NMNAT1: variants seen among roughly 807,000 people sequenced by gnomAD.
The protein encoded by NMNAT1 is nicotinamide nucleotide adenylyltransferase 1.
NMNAT1 carries 11 observed loss-of-function variants against 16.7 expected under a neutral mutation model. The observed-to-expected ratio is 0.66, with a 90% CI of 0.41 to 1.09. The LOEUF is 1.09. Among genes scored for constraint, NMNAT1 ranks in the 50% least tolerant of loss-of-function variants. The pLI is 0.00. For missense variants in NMNAT1, 280 were observed against 332.3 expected (o/e 0.84, Z 1.22); for synonymous variants, 110 against 119.8 (o/e 0.92, Z 0.53).
At chr1:9,974,194 C>A (rs1641755263) in intron 2 of NMNAT1, among the ~76,000 whole-genome samples, 1 of 151,758 alleles carries the variant, frequency 6.6e-6, no homozygotes, top group Non-Finnish European at 1.5e-5. Context: ...AATTTATATG[C>A]AAACATTTGT....
chr1:9,970,748 A>G (rs2101690365), intron 1 of NMNAT1, among the ~76,000 whole-genome samples: 1 of 152,168 alleles, frequency 6.6e-6, no homozygotes, highest in South Asian at 2.1e-4. Context: ...ATGTTACTTC[A>G]TTAGGGTTAT....
At chr1:9,955,647 A>C (rs1641240806) in intron 1 of NMNAT1, among the ~76,000 whole-genome samples, 1 of 152,150 alleles carries the variant, frequency 6.6e-6, no homozygotes, top group Admixed American at 6.6e-5. Context: ...ATACTTAGGA[A>C]GTTTTTAAAG....
At chr1:9,950,549 A>C (rs1368839270) in intron 1 of NMNAT1, 3 of 152,318 alleles carry the variant, frequency 2.0e-5, no homozygotes, top group East Asian at 1.9e-4. Flanking sequence ...TATCTCAGAC[A>C]GGAAAAACAG....
chr1:9,959,263 T>C (rs1641343854), intron 1 of NMNAT1, among the ~76,000 whole-genome samples: 2 of 149,386 alleles, frequency 1.3e-5, no homozygotes, highest in African/African-American at 2.5e-5. Context: ...TCCCAGCTAC[T>C]CAGGAGGCTG....
chr1:9,961,080 A>G (rs559681922), intron 1 of NMNAT1, among the ~76,000 whole-genome samples: 8 of 152,258 alleles, frequency 5.3e-5, no homozygotes, highest in African/African-American at 1.7e-4. Flanking sequence ...AGTTAGTGGA[A>G]CTGTGAGCTG....
At chr1:9,953,550 C>T (rs947759520) in intron 1 of NMNAT1, among the ~76,000 whole-genome samples, 4 of 151,848 alleles carry the variant, frequency 2.6e-5, no homozygotes, top group Admixed American at 2.0e-4. Context: ...AAGTGATTCT[C>T]CTGCCTCAGC....
the NMNAT1 span, among the ~76,000 whole-genome samples, chr1:9,994,181 GC>G: frequency 7.5e-6 from 1 of 133,420 alleles, no homozygotes; most frequent in Non-Finnish European, 1.5e-5. Flanking sequence ...TACAATCTCT[GC>G]TCACTGCAAC....
intron 1 of NMNAT1, chr1:9,947,207 A>T (rs1640999197): frequency 6.6e-6 from 1 of 151,800 alleles, no homozygotes; most frequent in African/African-American, 2.4e-5. Context: ...TTTTTTTTGG[A>T]GACAGGGTCT....
the NMNAT1 span, among the ~76,000 whole-genome samples, chr1:9,991,782 A>T: frequency 6.6e-6 from 1 of 152,148 alleles, no homozygotes; most frequent in Non-Finnish European, 1.5e-5. Context: ...TGTGATGTGG[A>T]GTAAGTGTGT....
chr1:9,967,221 C>G (rs988740377), intron 1 of NMNAT1, among the ~76,000 whole-genome samples: 1 of 151,686 alleles, frequency 6.6e-6, no homozygotes, highest in African/African-American at 2.4e-5. Context: ...GAAACTAAGT[C>G]CCCCCGGCTC....
rs189692694 is a variant in NMNAT1 at position 9,984,086 on chromosome 1, C to G, written c.*1385C>G. 1 of 152,422 alleles carries G rather than the reference C, an allele frequency of 6.6e-6. No individual in the cohort carries two copies. Among genetic ancestry groups the G allele is most frequent in the East Asian group, 1.9e-4 (1 of 5,172 alleles). The allele number at this position is 152,422 out of a possible 1,614,324, so 9.4% of individuals were successfully genotyped here. On this transcript the variant is annotated 3_prime_UTR_variant, in exon 5 of 5. Coordinates refer to ENST00000377205, the MANE Select transcript of NMNAT1 (RefSeq NM_022787.4). ...TTTTTGAGATGGAGTCTCACTCTGT[C>G]TCCCAGGCTGGAGTGCAGTGGTGCG...
At chr1:9,982,174 C>G (rs1641962701) in intron 4 of NMNAT1, 127 bp from the exon 5 acceptor site, 1 of 1,292,102 alleles carries the variant, frequency 7.7e-7, no homozygotes, top group African/African-American at 1.5e-5. Context: ...AAGCCCTCAT[C>G]CTTGAAAAGC....
At chr1:9,968,612 CA>C (rs1641614872) in intron 1 of NMNAT1, among the ~76,000 whole-genome samples, 1 of 38,276 alleles carries the variant, frequency 2.6e-5, no homozygotes, top group Non-Finnish European at 9.6e-5. Context: ...ACTAAAAATA[CA>C]AAAAATAATT....
chr1:9,948,453 T>C (rs1375219553), intron 1 of NMNAT1, among the ~76,000 whole-genome samples: 1 of 152,038 alleles, frequency 6.6e-6, no homozygotes, highest in Non-Finnish European at 1.5e-5. Flanking sequence ...GGGGCATACC[T>C]GTAGTCCCAG....
chr1:9,972,071 AC>A lies in NMNAT1; in HGVS notation c.-1del. 1 of 1,523,186 alleles carries A rather than the reference AC, an allele frequency of 6.6e-7. No individual in the cohort carries two copies. The allele number at this position is 1,523,186 out of a possible 1,614,324, so 94.4% of individuals were successfully genotyped here. A position where few individuals can be genotyped will look rare whatever the true frequency, so the allele number is the denominator to read the frequency against. ...TTTAGATCAACAACTTCAAGTTCTT[AC>A]CATGGAAAATTCCGAGAAGACTGAA... is the stretch of plus-strand genomic sequence containing the variant. On this transcript the variant is annotated 5_prime_UTR_variant, in exon 2 of 5. Transcript: ENST00000377205.
chr1:9,982,228 A>C, intron 4 of NMNAT1, 73 bp from the exon 5 acceptor site: 1 of 1,503,980 alleles, frequency 6.6e-7, no homozygotes, highest in Non-Finnish European at 8.9e-7. Context: ...TTAGAAAAGT[A>C]AACCCCTTTC....
chr1:9,959,254 C>T (rs1429452733), intron 1 of NMNAT1, among the ~76,000 whole-genome samples: 1 of 151,548 alleles, frequency 6.6e-6, no homozygotes, highest in Non-Finnish European at 1.5e-5. Context: ...CGCCTGTAAT[C>T]CCAGCTACTC....
intron 2 of NMNAT1, among the ~76,000 whole-genome samples, chr1:9,974,508 C>T (rs926836203): frequency 2.0e-5 from 3 of 151,862 alleles, no homozygotes; most frequent in African/African-American, 7.3e-5. Context: ...CCTGCCTCAG[C>T]CTCCGGAGTA....
intron 1 of NMNAT1, among the ~76,000 whole-genome samples, chr1:9,950,821 G>C (rs1641089754): frequency 6.6e-6 from 1 of 152,094 alleles, no homozygotes. Context: ...GGGCACAGTG[G>C]TTCACAGCTA....
Sources: allele counts gnomAD v4.1 joint callset (sites outside exome capture counted in the v4.1 genomes callset), GRCh38; gene constraint gnomAD v4.1.1; transcripts MANE v1.5; gene names NCBI Gene and HGNC (gene_info 2026-07-23, HGNC 2026-07-21).